Variants in SLC7A11 observed in about 807,000 individuals in gnomAD.
SLC7A11 encodes cystine/glutamate transporter.
A neutral mutation model predicts 54.5 loss-of-function variants in SLC7A11; 35 were observed. The ratio of observed to expected loss-of-function variants is 0.64; its 90% CI spans 0.49 to 0.85. The LOEUF is 0.85. Ranked by LOEUF, SLC7A11 falls within the 40% of genes least tolerant of loss-of-function variation. The pLI is 0.00. For missense variants in SLC7A11, 583 were observed against 618.1 expected (o/e 0.94, Z 0.60); for synonymous variants, 230 against 225.2 (o/e 1.02, Z -0.19).
intron 6 of SLC7A11, among the ~76,000 whole-genome samples, chr4:138,197,951 T>C (rs1737181027): frequency 6.7e-6 from 1 of 148,556 alleles, no homozygotes; most frequent in South Asian, 2.1e-4. Context: ...GTATCATAAA[T>C]ATAATATAAT....
In SLC7A11 at chr4:138,219,352, G is replaced by C; in HGVS notation, c.660C>G (p.Asn220Lys). 6.2e-7 allele frequency: 1 copy of C among 1,600,734 alleles called. No individual in the cohort carries two copies. The highest frequency in any genetic ancestry group is 8.6e-7 in the Non-Finnish European group (1 of 1,168,222). The change falls in exon 5 of 12, where the codon AAC (asparagine) becomes AAG (lysine). Residue 220 changes from asparagine (N) to lysine (K), a missense_variant. Physicochemically the swap from Asn to Lys is moderately conservative, Grantham distance 94. Transcript: ENST00000280612. ...CTCTTCCTGAAAAGGCGTCTTTAAA[G>C]TTCTGCGTTTGACCTGTAATTAGAA... ...VMQLIKGQTQ[N>K]FKDAFSGRDS...
chr4:138,184,739 G>A (rs952662301), intron 7 of SLC7A11, among the ~76,000 whole-genome samples: 6 of 152,148 alleles, frequency 3.9e-5, no homozygotes, highest in Admixed American at 6.6e-5. Flanking sequence ...TTCTGAGTTC[G>A]CATATGAAAA....
Position 138,183,196 on chromosome 4 carries a change from A to G in SLC7A11, c.1019+6T>C. 6.3e-7 allele frequency: 1 copy of G among 1,587,462 alleles called. No individual in the cohort carries two copies. On this transcript the variant is annotated splice_donor_region_variant and intron_variant, in intron 8 of 11. Coordinates refer to ENST00000280612, the MANE Select transcript of SLC7A11 (RefSeq NM_014331.4). ...TGTGTTTCTGGAAATACATGAACTC[A>G]CTCACCTGGAGACAGCAAACACACC... is the stretch of plus-strand genomic sequence containing the variant.
At chr4:138,237,021 T>C (rs1738228122) in intron 1 of SLC7A11, among the ~76,000 whole-genome samples, 1 of 136,300 alleles carries the variant, frequency 7.3e-6, no homozygotes. Context: ...AGTCTCACTC[T>C]GTCGCCCAAG....
At chr4:138,217,938 G>C (rs1354547073) in intron 5 of SLC7A11, among the ~76,000 whole-genome samples, 1 of 152,198 alleles carries the variant, frequency 6.6e-6, no homozygotes, top group Non-Finnish European at 1.5e-5. Flanking sequence ...AAAATACTGA[G>C]TGATTCAAAA....
chr4:138,238,538 T>C (rs10007843), intron 1 of SLC7A11, among the ~76,000 whole-genome samples: 149,268 of 152,190 alleles, frequency 0.98, 73,272 homozygotes, highest in East Asian at 1. Context: ...ATCTTAGTGT[T>C]ACATATTTTA....
rs2148404690 is a variant in SLC7A11, at chr4:138,170,261, TATATATATATACACACAC to T, written c.*1677_*1694del. 1.0e-5 allele frequency: 1 copy of T among 97,062 alleles called. No homozygotes were observed. The highest frequency in any genetic ancestry group is 3.8e-4 in the South Asian group (1 of 2,652). The allele number at this position is 97,062 out of a possible 1,614,324, so 6.0% of individuals were successfully genotyped here. A position where few individuals can be genotyped will look rare whatever the true frequency, so the allele number is the denominator to read the frequency against. ...GTGTGTGTGTGTGTGTATATATATA[TATATATATATACACACAC>T]ACACACACACACACATACACACACA... is the stretch of plus-strand genomic sequence containing the variant. On this transcript the variant is annotated 3_prime_UTR_variant, in exon 12 of 12. Coordinates refer to ENST00000280612, the MANE Select transcript of SLC7A11 (RefSeq NM_014331.4).
chr4:138,222,945 C>T (rs1390567188), intron 4 of SLC7A11, among the ~76,000 whole-genome samples: 1 of 151,192 alleles, frequency 6.6e-6, no homozygotes, highest in Non-Finnish European at 1.5e-5. Flanking sequence ...CACTCCAAAC[C>T]ATTAAACCTA....
rs1160916024 is a variant in SLC7A11, at chr4:138,242,030, C to T, written c.40G>A (p.Gly14Ser). Residue 14 changes from glycine to serine, a missense_variant, in exon 1 of 12, where the codon GGT (glycine) becomes AGT (serine). By Grantham distance (56) the Gly-to-Ser change is moderately conservative (BLOSUM62 0). Coordinates refer to ENST00000280612, the MANE Select transcript of SLC7A11 (RefSeq NM_014331.4). The part of the protein sequence containing the change: ...KPVVSTISKG[G>S]YLQGNVNGRL... ...CCGTTAACATTTCCCTGCAGGTAAC[C>T]TCCTTTGGAGATGGTGGACACAACA... is the stretch of plus-strand genomic sequence containing the variant. The T allele has an allele frequency of 1.1e-5, 17 of 1,613,928 alleles. No individual in the cohort carries two copies. Among genetic ancestry groups the T allele is most frequent in the Admixed American group, 6.7e-5 (4 of 60,000 alleles).
At chr4:138,209,231 A>T (rs954471718) in intron 6 of SLC7A11, among the ~76,000 whole-genome samples, 1 of 152,030 alleles carries the variant, frequency 6.6e-6, no homozygotes, top group South Asian at 2.1e-4. Context: ...GAGGAAGACC[A>T]TAAAGGGTGT....
At chr4:138,185,266 C>G in intron 6 of SLC7A11, 22 bp from the exon 7 acceptor site, 1 of 1,609,900 alleles carries the variant, frequency 6.2e-7, no homozygotes, top group Admixed American at 1.7e-5. Flanking sequence ...AAAGGAATCA[C>G]TTATTCATTA....
intron 2 of SLC7A11, among the ~76,000 whole-genome samples, chr4:138,233,685 C>A (rs1267204662): frequency 6.6e-6 from 1 of 152,152 alleles, no homozygotes; most frequent in African/African-American, 2.4e-5. Context: ...CTTCCCCAAA[C>A]AAAACTGTTT....
Position 138,180,751 on chromosome 4 carries a change from C to T in SLC7A11, c.1156G>A (p.Asp386Asn), listed in dbSNP as rs373200291. The change falls in exon 10 of 12, where the codon GAC becomes AAC. Residue 386 changes from aspartate (D) to asparagine (N), a missense_variant. Physicochemically the swap from Asp to Asn is conservative, Grantham distance 23. Transcript: ENST00000280612. The stretch of plus-strand genomic sequence containing the variant: ...AAACTGAGGAAATTCAAAAGACTGT[C>T]GAGGTCTCCAGAGAAGAGCATTATC... Reference protein sequence around the residue: ...TMIMLFSGDLDSLLNFLSFAR... With the variant: ...TMIMLFSGDLNSLLNFLSFAR... 3 of 1,612,766 alleles carry T rather than the reference C, an allele frequency of 1.9e-6. No homozygotes were observed. Among genetic ancestry groups the T allele is most frequent in the Admixed American group, 1.7e-5 (1 of 59,834 alleles).
chr4:138,220,754 T>C (rs1737791020), intron 4 of SLC7A11, among the ~76,000 whole-genome samples: 2 of 152,180 alleles, frequency 1.3e-5, no homozygotes, highest in African/African-American at 4.8e-5. Flanking sequence ...AAACTTCATG[T>C]AAATAAACAG....
intron 6 of SLC7A11, among the ~76,000 whole-genome samples, chr4:138,208,352 T>G (rs1737459280): frequency 6.6e-6 from 1 of 152,100 alleles, no homozygotes; most frequent in African/African-American, 2.4e-5. Context: ...ATAAGGCTAA[T>G]AGACAAAGTG....
At chr4:138,214,524 A>G (rs546185912) in intron 6 of SLC7A11, 61 bp downstream of exon 6, 2 of 974,306 alleles carry the variant, frequency 2.1e-6, no homozygotes, top group South Asian at 1.6e-5. Context: ...TCTGCTTTTT[A>G]AACTATGTAA....
intron 11 of SLC7A11, among the ~76,000 whole-genome samples, chr4:138,178,967 A>ATTT (rs1736649996): frequency 6.6e-6 from 1 of 152,128 alleles, no homozygotes; most frequent in Admixed American, 6.6e-5. Context: ...TACTGATAAA[A>ATTT]TTTCATCTAA....
chr4:138,232,818 C>T (rs544851841), intron 2 of SLC7A11, among the ~76,000 whole-genome samples: 5 of 152,346 alleles, frequency 3.3e-5, no homozygotes, highest in African/African-American at 9.6e-5. Flanking sequence ...ACACAACACT[C>T]AACCTAAAAA....
chr4:138,197,064 G>A (rs560986376), intron 6 of SLC7A11, among the ~76,000 whole-genome samples: 24 of 152,278 alleles, frequency 1.6e-4, no homozygotes, highest in Middle Eastern at 6.8e-3. Context: ...GAAGAAAGAT[G>A]TCAAGAATGA....
Sources: allele counts gnomAD v4.1 joint callset (sites outside exome capture counted in the v4.1 genomes callset), GRCh38; gene constraint gnomAD v4.1.1; transcripts MANE v1.5; gene names NCBI Gene and HGNC (gene_info 2026-07-23, HGNC 2026-07-21).